LGSN: variants seen among roughly 807,000 people sequenced by gnomAD.
LGSN encodes the protein lengsin.
A neutral mutation model predicts 19.5 loss-of-function variants in LGSN; 21 were observed. That is an observed-to-expected ratio of 1.07 (90% CI 0.76 to 1.55). The LOEUF is 1.55. LGSN is among the 40% of genes most tolerant of loss of function. The probability of loss-of-function intolerance (pLI) is 0.00; values close to 1 mark genes in which losing one functional copy is unlikely to be tolerated. For missense variants in LGSN, 673 were observed against 608.5 expected, an observed-to-expected ratio of 1.11 and a Z score of -1.12; for synonymous variants, 257 against 215.6, an observed-to-expected ratio of 1.19 and a Z score of -1.68.
At chr6:63,373,892 G>T in the LGSN span, among the ~76,000 whole-genome samples, 1 of 151,790 alleles carries the variant, frequency 6.6e-6, no homozygotes, top group Non-Finnish European at 1.5e-5. Flanking sequence ...CCAAGATGGG[G>T]CCACTGCACT....
At chr6:63,287,527 G>C (rs1052134967) in intron 2 of LGSN, among the ~76,000 whole-genome samples, 44 of 152,068 alleles carry the variant, frequency 2.9e-4, no homozygotes, top group Admixed American at 2.4e-3. Context: ...GGGCAACATA[G>C]CAAAACCCCA....
the LGSN span, among the ~76,000 whole-genome samples, chr6:63,428,552 T>TG: frequency 6.6e-6 from 1 of 152,062 alleles, no homozygotes; most frequent in Non-Finnish European, 1.5e-5. Context: ...GGTTTCACCA[T>TG]GTTGACCAGG....
the LGSN span, among the ~76,000 whole-genome samples, chr6:63,325,867 A>G: frequency 1.4e-4 from 22 of 152,114 alleles, no homozygotes; most frequent in African/African-American, 4.8e-4. Flanking sequence ...CAAAGAGCGA[A>G]AGAACAAAGC....
intron 2 of LGSN, 144 bp downstream of exon 2, chr6:63,294,769 C>A: frequency 2.7e-6 from 2 of 747,642 alleles, no homozygotes; most frequent in South Asian, 1.7e-5. Context: ...TATTTGCCAT[C>A]TTTTATGACA....
the LGSN span, among the ~76,000 whole-genome samples, chr6:63,331,330 A>C: frequency 1.3e-5 from 2 of 152,208 alleles, no homozygotes; most frequent in South Asian, 4.1e-4. Context: ...ATCAAGCTGC[A>C]GGATAGTACT....
chr6:63,407,307 AG>A, the LGSN span, among the ~76,000 whole-genome samples: 1 of 152,256 alleles, frequency 6.6e-6, no homozygotes, highest in African/African-American at 2.4e-5. Context: ...CAAATCCAGC[AG>A]CACATCAAAA....
the LGSN span, among the ~76,000 whole-genome samples, chr6:63,435,736 C>CT: frequency 6.6e-6 from 1 of 151,852 alleles, no homozygotes; most frequent in African/African-American, 2.4e-5. Flanking sequence ...TAGTGGGTCG[C>CT]ACTCAGTATC....
intron 3 of LGSN, among the ~76,000 whole-genome samples, chr6:63,284,546 T>A (rs1016140403): frequency 1.3e-5 from 2 of 152,140 alleles, no homozygotes; most frequent in African/African-American, 4.8e-5. Flanking sequence ...AAATAAATGA[T>A]TAAAATTTGA....
At chr6:63,423,703 A>C in the LGSN span, among the ~76,000 whole-genome samples, 1 of 152,108 alleles carries the variant, frequency 6.6e-6, no homozygotes, top group Non-Finnish European at 1.5e-5. Context: ...CCAAATGTGC[A>C]TATATCAAAC....
the LGSN span, among the ~76,000 whole-genome samples, chr6:63,447,979 T>C: frequency 1.3e-5 from 2 of 152,304 alleles, no homozygotes; most frequent in East Asian, 3.9e-4. Flanking sequence ...TGAATTATAT[T>C]TGTCAGCAAT....
At chr6:63,359,557 C>T in the LGSN span, among the ~76,000 whole-genome samples, 1 of 152,148 alleles carries the variant, frequency 6.6e-6, no homozygotes, top group East Asian at 1.9e-4. Context: ...CTGGTTTAGT[C>T]TTGGGAGAGT....
At chr6:63,432,095 A>AAGAAAGAG in the LGSN span, among the ~76,000 whole-genome samples, 2 of 41,398 alleles carry the variant, frequency 4.8e-5, no homozygotes, top group Non-Finnish European at 9.5e-5. Context: ...GAAGGAAAGA[A>AAGAAAGAG]AGAAAGAAAG....
intron 1 of LGSN, among the ~76,000 whole-genome samples, chr6:63,311,581 G>A (rs1225698888): frequency 6.6e-6 from 1 of 152,230 alleles, no homozygotes; most frequent in Non-Finnish European, 1.5e-5. Context: ...TAAATTTGAT[G>A]TTCATTCTTG....
chr6:63,532,575 A>G, the LGSN span, among the ~76,000 whole-genome samples: 2 of 152,186 alleles, frequency 1.3e-5, no homozygotes, highest in African/African-American at 4.8e-5. Context: ...TCCACAAAAA[A>G]AAAATCTCCC....
chr6:63,303,858 C>A (rs1415307731), intron 1 of LGSN, among the ~76,000 whole-genome samples: 1 of 152,094 alleles, frequency 6.6e-6, no homozygotes, highest in Non-Finnish European at 1.5e-5. Flanking sequence ...CTCTTGAAAC[C>A]AAACACTTGT....
chr6:63,284,361 T>C (rs1356236457), intron 3 of LGSN, among the ~76,000 whole-genome samples: 2 of 152,174 alleles, frequency 1.3e-5, no homozygotes, highest in Non-Finnish European at 2.9e-5. Context: ...AACAAAATAA[T>C]GAAAAATATT....
chr6:63,300,317 C>T (rs1042701422), intron 1 of LGSN, among the ~76,000 whole-genome samples: 2 of 152,176 alleles, frequency 1.3e-5, no homozygotes, highest in African/African-American at 4.8e-5. Context: ...GGGAGAATAC[C>T]TACGTTATTT....
chr6:63,313,059 A>G (rs1342364303), intron 1 of LGSN, among the ~76,000 whole-genome samples: 2 of 152,174 alleles, frequency 1.3e-5, no homozygotes, highest in African/African-American at 4.8e-5. Context: ...AGTGGTTGGA[A>G]TTATTAAGGG....
the LGSN span, among the ~76,000 whole-genome samples, chr6:63,547,467 G>C: frequency 6.7e-6 from 1 of 150,078 alleles, no homozygotes; most frequent in African/African-American, 2.5e-5. Flanking sequence ...TGGGATTACA[G>C]GCGTCTGCCA....
Sources: allele counts gnomAD v4.1 joint callset (sites outside exome capture counted in the v4.1 genomes callset), GRCh38; gene constraint gnomAD v4.1.1; transcripts MANE v1.5; gene names NCBI Gene and HGNC (gene_info 2026-07-23, HGNC 2026-07-21).